The following EVL variants were observed in gnomAD, a reference collection of about 807,000 sequenced individuals.
EVL encodes the protein ena/VASP-like protein.
In EVL, 21 loss-of-function variants were observed where a neutral mutation model predicts 59.6. The observed-to-expected ratio is 0.35, with a 90% CI of 0.25 to 0.51. EVL has a LOEUF of 0.51. Among genes scored for constraint, EVL ranks in the 20% least tolerant of loss-of-function variants. The probability of loss-of-function intolerance (pLI) is 0.97; values close to 1 mark genes in which losing one functional copy is unlikely to be tolerated. For missense variants in EVL, 462 were observed against 546.6 expected, an observed-to-expected ratio of 0.85 and a Z score of 1.54; for synonymous variants, 198 against 203.5, an observed-to-expected ratio of 0.97 and a Z score of 0.23.
intron 5 of EVL, 102 bp downstream of exon 5, chr14:100,126,873 G>A: frequency 9.1e-7 from 1 of 1,095,814 alleles, no homozygotes; most frequent in Admixed American, 2.1e-5. Context: ...TCTGTGAGCA[G>A]CTATGGGGAG....
At chr14:100,072,674 T>C (rs192455436) in intron 1 of EVL, among the ~76,000 whole-genome samples, 5 of 152,354 alleles carry the variant, frequency 3.3e-5, no homozygotes, top group Non-Finnish European at 7.4e-5. Flanking sequence ...CAGCTGACTT[T>C]CAAATGGCTC....
chr14:100,043,918 A>G (rs1364783370), intron 1 of EVL, among the ~76,000 whole-genome samples: 2 of 152,072 alleles, frequency 1.3e-5, no homozygotes, highest in Middle Eastern at 3.4e-3. Context: ...CCAGTTGTAT[A>G]TGTATAGATA....
At chr14:100,065,759 T>C (rs1269308560) in intron 1 of EVL, among the ~76,000 whole-genome samples, 1 of 152,146 alleles carries the variant, frequency 6.6e-6, no homozygotes, top group African/African-American at 2.4e-5. Flanking sequence ...TAATGGCTTC[T>C]GAGTCAAGGA....
intron 3 of EVL, among the ~76,000 whole-genome samples, chr14:100,118,004 G>A (rs928181557): frequency 2.6e-5 from 4 of 152,238 alleles, no homozygotes; most frequent in African/African-American, 9.6e-5. Flanking sequence ...ACTATGGTAA[G>A]TACTGGGAAT....
chr14:100,127,097 C>T lies in EVL; in HGVS notation c.487+326C>T, dbSNP rs921751083. Among the ~76,000 whole-genome samples, 7 of 152,196 alleles carry T rather than the reference C, an allele frequency of 4.6e-5. No individual in the cohort carries two copies. The highest frequency in any genetic ancestry group is 9.7e-5 in the African/African-American group (4 of 41,442). ...ATGCAGTTCCTGCCCTCAGGAAGCC[C>T]GCTGTCCACTCAAGGAGACAGTGAA... On this transcript the variant is annotated intron_variant, in intron 5 of 13. Transcript: ENST00000392920. The surrounding 1 kb of genome is among the most constrained non-coding windows in gnomAD (Gnocchi z 4.2).
intron 1 of EVL, chr14:100,066,413 G>A (rs1354157389): frequency 6.6e-6 from 1 of 152,236 alleles, no homozygotes; most frequent in African/African-American, 2.4e-5. Context: ...GGAAGGAATG[G>A]AACCAGGGTT....
intron 3 of EVL, among the ~76,000 whole-genome samples, chr14:100,113,844 G>GCTGGGGC (rs1887158059): frequency 6.6e-6 from 1 of 152,158 alleles, no homozygotes; most frequent in Non-Finnish European, 1.5e-5. Context: ...AGGGCACCGG[G>GCTGGGGC]ACAGGCAAGT....
intron 1 of EVL, among the ~76,000 whole-genome samples, chr14:100,037,382 AAGG>A (rs1181900812): frequency 1.3e-5 from 2 of 152,206 alleles, no homozygotes; most frequent in African/African-American, 4.8e-5. Context: ...CTCAGTGTTC[AAGG>A]CTTACCTTTT....
At chr14:100,052,629 T>C (rs1420951307) in intron 1 of EVL, among the ~76,000 whole-genome samples, 1 of 151,998 alleles carries the variant, frequency 6.6e-6, no homozygotes, top group Non-Finnish European at 1.5e-5. Context: ...GGTGTGCACC[T>C]GTAGCCCCAG....
chr14:100,018,689 TGGG>T (rs2061072793), intron 1 of EVL, among the ~76,000 whole-genome samples: 1 of 152,180 alleles, frequency 6.6e-6, no homozygotes, highest in Non-Finnish European at 1.5e-5. Context: ...CTGATGACAC[TGGG>T]GTCAAGGGAG....
chr14:100,055,056 G>C (rs911573385), intron 1 of EVL, among the ~76,000 whole-genome samples: 7 of 152,074 alleles, frequency 4.6e-5, no homozygotes, highest in Non-Finnish European at 8.8e-5. Flanking sequence ...CGAATTAGCT[G>C]GGCATTGTGG....
At chr14:100,128,831 T>G in intron 6 of EVL, 83 bp downstream of exon 6, 1 of 1,232,106 alleles carries the variant, frequency 8.1e-7, no homozygotes, top group Non-Finnish European at 1.2e-6. Flanking sequence ...CCTTCCCGCA[T>G]CTGCGAGACA....
At chr14:100,063,702 C>T (rs868164794), upstream of EVL, among the ~76,000 whole-genome samples, 3 of 152,212 alleles carry the variant, frequency 2.0e-5, no homozygotes, top group Admixed American at 6.5e-5. Context: ...ATACTATTAA[C>T]CACCATGACC....
intron 1 of EVL, among the ~76,000 whole-genome samples, chr14:100,003,309 C>A (rs2060957435): frequency 6.6e-6 from 1 of 152,172 alleles, no homozygotes; most frequent in African/African-American, 2.4e-5. Context: ...ACCTGGTGTC[C>A]TTTTTAGACC....
chr14:100,134,537 G>GA (rs1292896216), intron 8 of EVL: 5 of 152,222 alleles, frequency 3.3e-5, no homozygotes, highest in Non-Finnish European at 5.9e-5. Flanking sequence ...CGTCTAAAGA[G>GA]AGCAGGGCCT....
At chr14:100,041,639 T>TAA (rs1279060651) in intron 1 of EVL, among the ~76,000 whole-genome samples, 2 of 152,228 alleles carry the variant, frequency 1.3e-5, no homozygotes, top group Non-Finnish European at 2.9e-5. Flanking sequence ...TTATTAGACT[T>TAA]ATATCCTTCT....
At chr14:100,070,357 A>G (rs537461627) in intron 1 of EVL, among the ~76,000 whole-genome samples, 2 of 152,342 alleles carry the variant, frequency 1.3e-5, no homozygotes, top group Admixed American at 1.3e-4. Flanking sequence ...GAGAGGATCA[A>G]AATCTGCCCT....
chr14:100,102,810 C>G (rs1017731347), intron 3 of EVL, among the ~76,000 whole-genome samples: 1 of 152,118 alleles, frequency 6.6e-6, no homozygotes, highest in African/African-American at 2.4e-5. Flanking sequence ...TAAAAATGGA[C>G]ATAAAGGGTG....
intron 3 of EVL, among the ~76,000 whole-genome samples, chr14:100,123,313 G>C (rs1350059249): frequency 1.3e-5 from 2 of 152,202 alleles, no homozygotes; most frequent in Non-Finnish European, 2.9e-5. Context: ...GAAAGTTTGG[G>C]TCTCATTTAT....
Sources: allele counts gnomAD v4.1 joint callset (sites outside exome capture counted in the v4.1 genomes callset), GRCh38; gene constraint gnomAD v4.1.1; non-coding constraint Gnocchi (gnomAD v3.1); transcripts MANE v1.5; gene names NCBI Gene and HGNC (gene_info 2026-07-23, HGNC 2026-07-21).